GABRA2: variants seen among roughly 807,000 people sequenced by gnomAD.
GABRA2 encodes the protein gamma-aminobutyric acid receptor subunit alpha-2.
A neutral mutation model predicts 48.7 loss-of-function variants in GABRA2; 16 were observed. The observed-to-expected ratio is 0.33, with a 90% CI of 0.22 to 0.50. The LOEUF (loss-of-function observed/expected upper bound fraction) is 0.50. GABRA2 is among the 20% of genes least tolerant of loss of function. GABRA2 has a pLI of 0.98. For synonymous variants in GABRA2, 185 were observed against 184.5 expected (o/e 1.00, Z -0.02); for missense variants, 275 against 535.6 (o/e 0.51, Z 4.80).
At position 46,244,646 on chromosome 4, in the gene GABRA2, A is replaced by G. The variant is rs1262501882; in HGVS notation, c.*5662T>C. On this transcript the variant is annotated 3_prime_UTR_variant, in exon 10 of 10. Transcript: ENST00000381620. ...TGTTATGAAACGAACAATATGACAAATGAAAACACATCTCTCCAACCACTA... is the reference window on the plus strand; with the variant it reads ...TGTTATGAAACGAACAATATGACAAGTGAAAACACATCTCTCCAACCACTA... 1.3e-5 allele frequency among the ~76,000 whole-genome samples: 2 copies of G among 151,552 alleles called. No individual in the cohort carries two copies. Among genetic ancestry groups the G allele is most frequent in the Admixed American group, 1.3e-4 (2 of 15,152 alleles).
intron 3 of GABRA2, among the ~76,000 whole-genome samples, chr4:46,377,509 G>A (rs552304914): frequency 0.026 from 3,799 of 147,784 alleles, 183 homozygotes; most frequent in African/African-American, 0.09. Context: ...CAACCGCCCC[G>A]TCTGAGAAGT....
At chr4:46,336,671 C>T (rs949022469) in intron 3 of GABRA2, among the ~76,000 whole-genome samples, 14 of 152,042 alleles carry the variant, frequency 9.2e-5, no homozygotes, top group Non-Finnish European at 2.1e-4. Context: ...AATGTATAAT[C>T]CTTAGAGCAA....
chr4:46,266,029 A>T (rs1001925563), intron 8 of GABRA2, among the ~76,000 whole-genome samples: 10 of 151,912 alleles, frequency 6.6e-5, no homozygotes, highest in African/African-American at 2.2e-4. Context: ...GTAAGAACAT[A>T]CTTTGTAATA....
intron 3 of GABRA2, among the ~76,000 whole-genome samples, chr4:46,352,166 A>G (rs1304585728): frequency 6.6e-6 from 1 of 152,026 alleles, no homozygotes; most frequent in Non-Finnish European, 1.5e-5. Context: ...CTGTAAAGGC[A>G]GAGAATCACT....
Position 46,323,698 on chromosome 4 carries a change from G to A in GABRA2, c.255+8917C>T, listed in dbSNP as rs373099900. 4.7e-5 allele frequency among the ~76,000 whole-genome samples: 7 copies of A among 150,114 alleles called. No individual in the cohort carries two copies. In the East Asian group the frequency reaches 7.9e-4, roughly 17 times the overall value. On this transcript the variant is annotated intron_variant, in intron 4 of 9. Transcript: ENST00000381620. ...CTGCCATAAAAATAAAAATAAAAAA[G>A]TTAGGAAGATTTTCATAAGCCTGTG... is the stretch of plus-strand genomic sequence containing the variant.
chr4:46,378,841 A>T (rs955585447), intron 3 of GABRA2, among the ~76,000 whole-genome samples: 15 of 150,472 alleles, frequency 1.0e-4, no homozygotes, highest in Non-Finnish European at 1.5e-4. Flanking sequence ...AAAAAAAAAA[A>T]GTAGGCAATA....
At chr4:46,283,596 C>A (rs963588985) in intron 8 of GABRA2, among the ~76,000 whole-genome samples, 24 of 146,400 alleles carry the variant, frequency 1.6e-4, no homozygotes, top group African/African-American at 5.3e-4. Flanking sequence ...CAAACATAGC[C>A]CTTTTGGAGT....
chr4:46,323,639 TACAG>T (rs1037723136), intron 4 of GABRA2, among the ~76,000 whole-genome samples: 1 of 151,750 alleles, frequency 6.6e-6, no homozygotes. Context: ...CGTTGAAATG[TACAG>T]ACACAAGTTA....
Position 46,246,422 on chromosome 4 carries a change from G to T in GABRA2, c.*3886C>A, listed in dbSNP as rs1713722616. Among the ~76,000 whole-genome samples the T allele has an allele frequency of 6.6e-6, 1 of 150,962 alleles. No homozygotes were observed. Among genetic ancestry groups the T allele is most frequent in the African/African-American group, 2.4e-5 (1 of 41,252 alleles). The stretch of plus-strand genomic sequence containing the variant: ...CTCCACACTGTTACAAGTGGTTTTG[G>T]TATAGTGTCCATGTTTCTCAAGCAT... On this transcript the variant is annotated 3_prime_UTR_variant, in exon 10 of 10. Coordinates refer to ENST00000381620, the MANE Select transcript of GABRA2 (RefSeq NM_000807.4).
chr4:46,289,803 C>T (rs949522999), intron 8 of GABRA2, among the ~76,000 whole-genome samples: 7 of 152,036 alleles, frequency 4.6e-5, no homozygotes, highest in African/African-American at 1.7e-4. Context: ...TGTTCGTATG[C>T]CAGCACCAGG....
At chr4:46,353,080 C>G (rs936997918) in intron 3 of GABRA2, among the ~76,000 whole-genome samples, 1 of 152,032 alleles carries the variant, frequency 6.6e-6, no homozygotes, top group African/African-American at 2.4e-5. Context: ...GTTCACTGTT[C>G]TCTTTTAAGT....
chr4:46,347,416 T>C (rs1438455669), intron 3 of GABRA2, among the ~76,000 whole-genome samples: 1 of 151,792 alleles, frequency 6.6e-6, no homozygotes, highest in Non-Finnish European at 1.5e-5. Flanking sequence ...TGGAATAGGA[T>C]AGAAAGCACA....
chr4:46,273,094 A>G (rs551173079), intron 8 of GABRA2, among the ~76,000 whole-genome samples: 46 of 149,602 alleles, frequency 3.1e-4, no homozygotes, highest in Admixed American at 1.7e-3. Context: ...CATGATCAGT[A>G]TTTCTTATTT....
At chr4:46,389,257 C>A (rs1449052875) in intron 1 of GABRA2, 4 of 985,358 alleles carry the variant, frequency 4.1e-6, no homozygotes, top group African/African-American at 3.5e-5. Context: ...CTCACGTCTT[C>A]TTTTCTTCAC....
intron 3 of GABRA2, among the ~76,000 whole-genome samples, chr4:46,372,947 A>G (rs1240017622): frequency 2.6e-5 from 4 of 152,136 alleles, no homozygotes; most frequent in Non-Finnish European, 5.9e-5. Flanking sequence ...CACTCACTTA[A>G]ATGTGCACCT....
chr4:46,285,371 C>T (rs1722356580), intron 8 of GABRA2, among the ~76,000 whole-genome samples: 1 of 151,894 alleles, frequency 6.6e-6, no homozygotes, highest in Non-Finnish European at 1.5e-5. Context: ...TCTTTAAAAA[C>T]ATTTGTATGT....
chr4:46,339,578 T>A (rs1396751267), intron 3 of GABRA2, among the ~76,000 whole-genome samples: 2 of 151,996 alleles, frequency 1.3e-5, no homozygotes, highest in Non-Finnish European at 2.9e-5. Flanking sequence ...AGAGAGATAC[T>A]ATGCAAAAAA....
intron 3 of GABRA2, among the ~76,000 whole-genome samples, chr4:46,353,704 T>C (rs909081268): frequency 6.6e-6 from 1 of 152,140 alleles, no homozygotes; most frequent in Admixed American, 6.6e-5. Flanking sequence ...CTATAAGCCC[T>C]CATCAAAATC....
At chr4:46,303,263 T>A in intron 8 of GABRA2, 197 bp downstream of exon 8, 1 of 543,270 alleles carries the variant, frequency 1.8e-6, no homozygotes, top group Non-Finnish European at 3.2e-6. Context: ...TTTGAGTACT[T>A]TTCTTTCCTT....
Sources: allele counts gnomAD v4.1 joint callset (sites outside exome capture counted in the v4.1 genomes callset), GRCh38; gene constraint gnomAD v4.1.1; transcripts MANE v1.5; gene names NCBI Gene and HGNC (gene_info 2026-07-23, HGNC 2026-07-21).